Variants in FRMD8 observed in about 807,000 individuals in gnomAD.
FRMD8 encodes FERM domain containing 8, also known as FERM domain-containing protein 8.
A neutral mutation model predicts 54.2 loss-of-function variants in FRMD8; 37 were observed. The observed-to-expected ratio is 0.68, with a 90% confidence interval of 0.53 to 0.90. The LOEUF (loss-of-function observed/expected upper bound fraction) is 0.90. FRMD8 is among the 40% of genes least tolerant of loss of function. FRMD8 has a pLI of 0.00. For missense variants in FRMD8, 585 were observed against 653.7 expected, an observed-to-expected ratio of 0.89 and a Z score of 1.15; for synonymous variants, 246 against 286.9, an observed-to-expected ratio of 0.86 and a Z score of 1.44.
At position 65,411,445 on chromosome 11, in the gene FRMD8, T is replaced by A; in HGVS notation, c.*85T>A. On this transcript the variant is annotated 3_prime_UTR_variant, in exon 11 of 11. Transcript: ENST00000317568. ...GAGGGGCAGGCGCCGGCTGCAACAG[T>A]CTCATGGGTCACCACGTGGGGAGGG... The A allele has an allele frequency of 1.3e-5, 11 of 852,168 alleles. No homozygotes were observed. Among genetic ancestry groups the A allele is most frequent in the Non-Finnish European group, 1.9e-5 (11 of 576,420 alleles). The allele number at this position is 852,168 out of a possible 1,614,324, so 52.8% of individuals were successfully genotyped here.
At chr11:65,394,127 C>T (rs953766147) in intron 5 of FRMD8, 28 bp downstream of exon 5, 51 of 1,611,858 alleles carry the variant, frequency 3.2e-5, no homozygotes, top group Non-Finnish European at 4.0e-5. Context: ...GTGGCCCCAC[C>T]AGGCCTGGCC....
the FRMD8 span, among the ~76,000 whole-genome samples, chr11:65,371,392 CTTTA>C: frequency 2.0e-5 from 3 of 152,286 alleles, no homozygotes; most frequent in African/African-American, 4.8e-5. Flanking sequence ...TCCAATGGGA[CTTTA>C]TTTAACATGT....
chr11:65,396,763 G>T (rs1326310301), intron 6 of FRMD8, 36 bp from the exon 7 acceptor site: 5 of 1,397,152 alleles, frequency 3.6e-6, no homozygotes, highest in Non-Finnish European at 3.8e-6. Flanking sequence ...GGCACCTCTG[G>T]TTGGGCCGCT....
At chr11:65,397,852 C>G (rs1229887840) in intron 7 of FRMD8, among the ~76,000 whole-genome samples, 1 of 150,220 alleles carries the variant, frequency 6.7e-6, no homozygotes, top group African/African-American at 2.5e-5. Context: ...GTGTGCAGCA[C>G]CATGCCCGGG....
chr11:65,379,373 C>A, the FRMD8 span: 1 of 1,607,922 alleles, frequency 6.2e-7, no homozygotes, highest in South Asian at 1.1e-5. Flanking sequence ...ACTGCCCCCT[C>A]ACCTGCAGGA....
At chr11:65,377,751 G>C in the FRMD8 span, 1 of 152,626 alleles carries the variant, frequency 6.6e-6, no homozygotes, top group African/African-American at 2.4e-5. Context: ...GTGAGGGTCA[G>C]TGCTGGGGGG....
chr11:65,371,340 G>T, the FRMD8 span, among the ~76,000 whole-genome samples: 1 of 152,064 alleles, frequency 6.6e-6, no homozygotes, highest in South Asian at 2.1e-4. Flanking sequence ...CTTCAGCTGT[G>T]GTCATTGCTA....
chr11:65,377,162 A>G, the FRMD8 span: 13 of 1,501,760 alleles, frequency 8.7e-6, no homozygotes, highest in Non-Finnish European at 1.2e-5. Context: ...GGAGGCAGGC[A>G]GGGGGCCACA....
At chr11:65,391,588 G>T (rs1322592592) in intron 3 of FRMD8, among the ~76,000 whole-genome samples, 1 of 151,966 alleles carries the variant, frequency 6.6e-6, no homozygotes, top group Non-Finnish European at 1.5e-5. Context: ...CCAGCTCACT[G>T]CAACCTCCGC....
At chr11:65,372,493 C>T in the FRMD8 span, among the ~76,000 whole-genome samples, 8 of 152,098 alleles carry the variant, frequency 5.3e-5, no homozygotes, top group African/African-American at 1.2e-4. Flanking sequence ...GTTTAGAGGA[C>T]GGGCACTCCA....
chr11:65,380,597 C>T, the FRMD8 span: 1 of 1,294,966 alleles, frequency 7.7e-7, no homozygotes, highest in Non-Finnish European at 1.0e-6. Flanking sequence ...CCAGAGCAGG[C>T]CCTGCTGCCA....
Position 65,404,759 on chromosome 11 carries a change from T to TCC in FRMD8, c.1072-102_1072-101dup. 5 of 918,784 alleles carry TCC rather than the reference T, an allele frequency of 5.4e-6. No homozygotes were observed. Among genetic ancestry groups the TCC allele is most frequent in the Admixed American group, 2.3e-5 (1 of 43,548 alleles). 56.9% of individuals were successfully genotyped at this position (918,784 alleles called of 1,614,324 possible). A position where few individuals can be genotyped will look rare whatever the true frequency, so the allele number is the denominator to read the frequency against. On this transcript the variant is annotated intron_variant, in intron 9 of 10. Coordinates refer to ENST00000317568, the MANE Select transcript of FRMD8 (RefSeq NM_031904.5). The surrounding 1 kb of genome is among the most constrained non-coding windows in gnomAD (Gnocchi z 4.7). ...CTCCCTCCCTCCTGAGTGATGTGTG[T>TCC]CCCCTCCCCTGCTTCCCCAACCAGA...
intron 9 of FRMD8, among the ~76,000 whole-genome samples, chr11:65,403,912 G>A (rs1238453724): frequency 3.9e-5 from 6 of 152,268 alleles, no homozygotes; most frequent in Middle Eastern, 3.4e-3. Flanking sequence ...TGTCCCCACC[G>A]GCTGCCGTCC....
chr11:65,410,236 G>A (rs1293219881), intron 10 of FRMD8, among the ~76,000 whole-genome samples: 5 of 152,144 alleles, frequency 3.3e-5, no homozygotes, highest in Admixed American at 1.3e-4. Flanking sequence ...AGTGGCCCAC[G>A]CCTGTAATCC....
chr11:65,408,511 GT>G (rs1349266879), intron 10 of FRMD8, among the ~76,000 whole-genome samples: 5 of 151,692 alleles, frequency 3.3e-5, no homozygotes, highest in African/African-American at 9.7e-5. Flanking sequence ...AGTTTTCAGC[GT>G]TCAGCTCTTC....
chr11:65,372,764 T>C, the FRMD8 span, among the ~76,000 whole-genome samples: 12,078 of 152,222 alleles, frequency 0.079, 537 homozygotes, highest in South Asian at 0.14. Flanking sequence ...CTCTGACCTG[T>C]CCTCCTGCCT....
At chr11:65,398,566 G>A (rs944086804) in intron 7 of FRMD8, among the ~76,000 whole-genome samples, 4 of 152,240 alleles carry the variant, frequency 2.6e-5, no homozygotes, top group African/African-American at 4.8e-5. Context: ...GGCAGCTGGC[G>A]ATGGATGTGG....
intron 9 of FRMD8, among the ~76,000 whole-genome samples, chr11:65,403,449 T>C (rs968817370): frequency 4.6e-5 from 7 of 152,258 alleles, no homozygotes; most frequent in African/African-American, 1.4e-4. Context: ...TCCCAAAGTG[T>C]TGGGATTACA....
chr11:65,401,145 C>T (rs903723973), intron 9 of FRMD8, among the ~76,000 whole-genome samples: 2 of 152,078 alleles, frequency 1.3e-5, no homozygotes, highest in African/African-American at 4.8e-5. Flanking sequence ...GCTTTGAGAC[C>T]AGCCTGCACC....
Sources: gnomAD v4.1 joint callset for allele counts (sites outside exome capture counted in the v4.1 genomes callset) on GRCh38, gnomAD v4.1.1 for gene constraint, Gnocchi (gnomAD v3.1) non-coding constraint, MANE v1.5 for transcripts, NCBI Gene and HGNC (gene_info 2026-07-23, HGNC 2026-07-21) for gene names.